The following WNT7B variants were observed in gnomAD, a reference collection of about 807,000 sequenced individuals.
WNT7B encodes Wnt family member 7B.
In WNT7B, 19 loss-of-function variants were observed where a neutral mutation model predicts 38.2. That is an observed-to-expected ratio of 0.50 (90% CI 0.35 to 0.73). The LOEUF (loss-of-function observed/expected upper bound fraction) is 0.73. Ranked by LOEUF, WNT7B falls within the 30% of genes least tolerant of loss-of-function variation. The probability of loss-of-function intolerance (pLI) is 0.01; values close to 1 mark genes in which losing one functional copy is unlikely to be tolerated. For synonymous variants in WNT7B, 243 were observed against 209.3 expected (o/e 1.16, Z -1.39); for missense variants, 423 against 507.9 (o/e 0.83, Z 1.61).
At chr22:45,934,688 C>T (rs1407347315) in intron 2 of WNT7B, among the ~76,000 whole-genome samples, 6 of 152,228 alleles carry the variant, frequency 3.9e-5, no homozygotes, top group African/African-American at 1.4e-4. Context: ...TCCCTTCCAG[C>T]CTCCCGCAAG....
intron 1 of WNT7B, chr22:45,954,711 G>A: frequency 1.0e-6 from 1 of 985,396 alleles, no homozygotes; most frequent in Non-Finnish European, 1.2e-6. Flanking sequence ...AGATGTGGTT[G>A]ATAATTCAGA....
chr22:45,957,702 A>C (rs1302973058), intron 1 of WNT7B, among the ~76,000 whole-genome samples: 18 of 145,588 alleles, frequency 1.2e-4, no homozygotes, highest in South Asian at 4.4e-4. Flanking sequence ...AAAAAAAAAA[A>C]AAAAAAAAAA....
At chr22:45,972,869 T>C (rs939653667) in intron 1 of WNT7B, among the ~76,000 whole-genome samples, 2 of 152,268 alleles carry the variant, frequency 1.3e-5, no homozygotes, top group African/African-American at 2.4e-5. Flanking sequence ...TGTGCCTACA[T>C]GTGCCTGTGT....
chr22:45,930,330 G>A (rs768046411), intron 3 of WNT7B, among the ~76,000 whole-genome samples: 1 of 152,264 alleles, frequency 6.6e-6, no homozygotes, highest in Admixed American at 6.5e-5. Flanking sequence ...GGAACGGCAA[G>A]TCTGTCCCAC....
At chr22:45,973,643 C>A (rs1402944485) in intron 1 of WNT7B, among the ~76,000 whole-genome samples, 1 of 152,250 alleles carries the variant, frequency 6.6e-6, no homozygotes, top group Non-Finnish European at 1.5e-5. Flanking sequence ...CTTTGGCCTC[C>A]TCCAAGGCTG....
chr22:45,957,079 C>T (rs2146740303), intron 1 of WNT7B, among the ~76,000 whole-genome samples: 1 of 142,074 alleles, frequency 7.0e-6, no homozygotes, highest in East Asian at 2.0e-4. Flanking sequence ...GCACTCCAGC[C>T]TGGTGACAGA....
At chr22:45,947,075 C>G (rs1931813808) in intron 2 of WNT7B, among the ~76,000 whole-genome samples, 1 of 152,242 alleles carries the variant, frequency 6.6e-6, no homozygotes, top group South Asian at 2.1e-4. Context: ...GCTGGCCTCC[C>G]TGATCAGCCC....
At chr22:45,926,881 G>A (rs981776526) in intron 3 of WNT7B, 11 of 985,326 alleles carry the variant, frequency 1.1e-5, no homozygotes, top group Non-Finnish European at 1.3e-5. Flanking sequence ...CTCCCATTAG[G>A]ACGGTGTGAA....
intron 1 of WNT7B, among the ~76,000 whole-genome samples, chr22:45,957,825 G>C (rs955333047): frequency 1.3e-5 from 2 of 151,998 alleles, no homozygotes; most frequent in Non-Finnish European, 2.9e-5. Context: ...ACGCTCCATG[G>C]GGCTGCTGGG....
chr22:45,950,131 C>T lies in WNT7B; in HGVS notation c.87G>A (p.Val29=), dbSNP rs745544316. The T allele has an allele frequency of 6.2e-7, 1 of 1,613,852 alleles. No individual in the cohort carries two copies. Among genetic ancestry groups the T allele is most frequent in the South Asian group, 1.1e-5 (1 of 91,066 alleles). The part of the protein sequence containing the change: ...LYVKLGALSS[V]VALGANIICN... ...AGATGATGTTGGCTCCCAGGGCCAC[C>T]ACGGATGACAGTGCTCTGTGGAGGG... The change falls in exon 2 of 4, where the codon GTG becomes GTA. Residue 29 remains valine (V), a synonymous_variant. Coordinates refer to ENST00000339464, the MANE Select transcript of WNT7B (RefSeq NM_058238.3).
At chr22:45,960,888 G>C (rs553796358) in intron 1 of WNT7B, among the ~76,000 whole-genome samples, 53 of 152,312 alleles carry the variant, frequency 3.5e-4, no homozygotes, top group Admixed American at 5.2e-4. Flanking sequence ...GAGCCAGCAG[G>C]GTTCCTTGGG....
chr22:45,962,241 A>G (rs1932214127), intron 1 of WNT7B, among the ~76,000 whole-genome samples: 1 of 152,178 alleles, frequency 6.6e-6, no homozygotes, highest in Non-Finnish European at 1.5e-5. Flanking sequence ...CCCCTGGCCA[A>G]CACAAGGGGC....
chr22:45,930,400 A>G (rs540325180), intron 3 of WNT7B, among the ~76,000 whole-genome samples: 17 of 148,358 alleles, frequency 1.1e-4, no homozygotes, highest in Non-Finnish European at 2.0e-4. Context: ...TCGGAGCCGG[A>G]GCCGGCTGGG....
intron 1 of WNT7B, chr22:45,972,108 CG>C: frequency 1.2e-5 from 7 of 579,178 alleles, no homozygotes; most frequent in South Asian, 1.9e-5. Flanking sequence ...GCTGGAGGCC[CG>C]GGGGGAGCCC....
chr22:45,934,208 G>C (rs1038618354), intron 2 of WNT7B, among the ~76,000 whole-genome samples: 2 of 152,206 alleles, frequency 1.3e-5, no homozygotes, highest in African/African-American at 4.8e-5. Context: ...AAGGCTGACG[G>C]AGGAGCAAAG....
chr22:45,958,944 G>A (rs528423050), intron 1 of WNT7B, among the ~76,000 whole-genome samples: 1 of 152,316 alleles, frequency 6.6e-6, no homozygotes, highest in South Asian at 2.1e-4. Context: ...CCAGCTGCAA[G>A]GAGTCTCTCA....
intron 2 of WNT7B, among the ~76,000 whole-genome samples, chr22:45,936,511 G>A (rs1289117067): frequency 6.6e-6 from 1 of 152,280 alleles, no homozygotes; most frequent in Non-Finnish European, 1.5e-5. Context: ...TCAGAGACAT[G>A]TGGGTAAATG....
At chr22:45,964,549 T>C (rs1932270951) in intron 1 of WNT7B, among the ~76,000 whole-genome samples, 1 of 152,110 alleles carries the variant, frequency 6.6e-6, no homozygotes, top group East Asian at 1.9e-4. Context: ...CACTTCCCCG[T>C]CAGTGGTGAA....
chr22:45,945,326 G>A lies in WNT7B; in HGVS notation c.298+4594C>T, dbSNP rs192273526. Among the ~76,000 whole-genome samples the A allele has an allele frequency of 6.2e-4, 94 of 152,274 alleles. 2 individuals carry two copies. The highest frequency in any genetic ancestry group is 3.4e-3 in the Middle Eastern group (1 of 294). On this transcript the variant is annotated intron_variant, in intron 2 of 3. Transcript: ENST00000339464. ...ACTCCTGACTTCAAGTGATCCACCC[G>A]CCTCAGCTTCCCAAAGTGCTGGAAT...
Sources: gnomAD v4.1 joint callset for allele counts (sites outside exome capture counted in the v4.1 genomes callset) on GRCh38, gnomAD v4.1.1 for gene constraint, MANE v1.5 for transcripts, NCBI Gene and HGNC (gene_info 2026-07-23, HGNC 2026-07-21) for gene names.